SPTSSB: variants seen among roughly 807,000 people sequenced by gnomAD.
SPTSSB encodes androgen down regulated in mouse prostate.
SPTSSB carries 6 observed loss-of-function variants against 7.7 expected under a neutral mutation model. That is an observed-to-expected ratio of 0.78 (90% CI 0.43 to 1.54). The LOEUF is 1.54. Among genes scored for constraint, SPTSSB ranks in the 40% most tolerant of loss-of-function variants. The pLI is 0.01. For missense variants in SPTSSB, 91 were observed against 93.0 expected (o/e 0.98, Z 0.09); for synonymous variants, 28 against 29.7 (o/e 0.94, Z 0.19).
chr3:161,346,130 G>A lies in SPTSSB; in HGVS notation c.194C>T (p.Ser65Leu). 1 of 1,607,400 alleles carries A rather than the reference G, an allele frequency of 6.2e-7. No homozygotes were observed. Among genetic ancestry groups the A allele is most frequent in the Non-Finnish European group, 8.5e-7 (1 of 1,173,922 alleles). Residue 65 changes from serine to leucine, a missense_variant, in exon 3 of 3, where the codon TCA becomes TTA. By Grantham distance (145) the Ser-to-Leu change is moderately radical. Transcript: ENST00000620149. ...TGTACTGTGATATCCACATATTTTTGAGAAAAATTCCCAAGCCAGGCGAAT... is the reference window on the plus strand; with the variant it reads ...TGTACTGTGATATCCACATATTTTTAAGAAAAATTCCCAAGCCAGGCGAAT... The part of the protein sequence containing the change: ...IHIRLAWEFF[S>L]KICGYHSTIS...
intron 1 of SPTSSB, among the ~76,000 whole-genome samples, chr3:161,361,225 G>T (rs1421790411): frequency 1.3e-5 from 2 of 152,120 alleles, no homozygotes; most frequent in African/African-American, 4.8e-5. Flanking sequence ...GTTTGCAGAG[G>T]TGAATCTTAG....
intron 2 of SPTSSB, among the ~76,000 whole-genome samples, chr3:161,351,487 A>T (rs1179668556): frequency 1.3e-5 from 2 of 152,212 alleles, no homozygotes; most frequent in Non-Finnish European, 2.9e-5. Flanking sequence ...TACATAGATG[A>T]GTAATATCCT....
intron 2 of SPTSSB, among the ~76,000 whole-genome samples, chr3:161,347,314 G>A (rs1714294803): frequency 6.6e-6 from 1 of 152,042 alleles, no homozygotes; most frequent in Non-Finnish European, 1.5e-5. Context: ...CTAGAATATA[G>A]TGGCACAATC....
At chr3:161,355,223 G>T (rs946280548) in intron 2 of SPTSSB, among the ~76,000 whole-genome samples, 1 of 152,158 alleles carries the variant, frequency 6.6e-6, no homozygotes, top group African/African-American at 2.4e-5. Context: ...AAGAAACTTT[G>T]TTGTTATATA....
chr3:161,363,465 G>T (rs336587), intron 1 of SPTSSB, among the ~76,000 whole-genome samples: 14,415 of 151,836 alleles, frequency 0.095, 803 homozygotes, highest in East Asian at 0.24. Context: ...TAATAGACTG[G>T]TTTTTAATCA....
At position 161,346,252 on chromosome 3, in the gene SPTSSB, A is replaced by G. The variant is rs1299013907; in HGVS notation, c.72T>C (p.Ala24=). 1 of 1,614,066 alleles carries G rather than the reference A, an allele frequency of 6.2e-7. No homozygotes were observed. Among genetic ancestry groups the G allele is most frequent in the Non-Finnish European group, 8.5e-7 (1 of 1,179,910 alleles). Residue 24 remains alanine (A), a synonymous_variant, in exon 3 of 3, where the codon GCT becomes GCC. Transcript: ENST00000620149. ...YYQYQIISCC[A]VLEPWERSMF... ...TAGATCGCTCCCAGGGCTCTAAAACAGCACAGCAGCTAATGATTTGGTATT... is the reference window on the plus strand; with the variant it reads ...TAGATCGCTCCCAGGGCTCTAAAACGGCACAGCAGCTAATGATTTGGTATT...
intron 2 of SPTSSB, among the ~76,000 whole-genome samples, chr3:161,351,325 A>C (rs940570558): frequency 8.5e-5 from 13 of 152,154 alleles, no homozygotes; most frequent in African/African-American, 3.1e-4. Flanking sequence ...TTTTCTGTAA[A>C]TCTACAACTG....
chr3:161,363,887 GT>G (rs1560107131), intron 1 of SPTSSB, among the ~76,000 whole-genome samples: 2 of 151,640 alleles, frequency 1.3e-5, no homozygotes, highest in African/African-American at 4.8e-5. Flanking sequence ...GCTTAACATT[GT>G]TTTAGGCACT....
chr3:161,354,732 A>G (rs1429853316), intron 2 of SPTSSB, among the ~76,000 whole-genome samples: 1 of 152,214 alleles, frequency 6.6e-6, no homozygotes, highest in African/African-American at 2.4e-5. Flanking sequence ...CCAACTATCA[A>G]TTGGAGTCAT....
chr3:161,357,611 T>C (rs163138), intron 2 of SPTSSB, among the ~76,000 whole-genome samples: 14,470 of 152,290 alleles, frequency 0.095, 810 homozygotes, highest in East Asian at 0.24. Context: ...GCAGTGAATA[T>C]GACCTTTTTG....
intron 1 of SPTSSB, among the ~76,000 whole-genome samples, chr3:161,364,313 A>G (rs1715130691): frequency 6.6e-6 from 1 of 152,146 alleles, no homozygotes; most frequent in Non-Finnish European, 1.5e-5. Flanking sequence ...ATGGCTCCCA[A>G]TTCAGAGATC....
intron 1 of SPTSSB, among the ~76,000 whole-genome samples, chr3:161,362,750 T>A (rs192893951): frequency 3.7e-4 from 56 of 152,166 alleles, no homozygotes; most frequent in African/African-American, 1.3e-3. Flanking sequence ...CTATTTAACA[T>A]ATATTATTCA....
At chr3:161,352,697 G>A (rs972473923) in intron 2 of SPTSSB, among the ~76,000 whole-genome samples, 3 of 152,166 alleles carry the variant, frequency 2.0e-5, no homozygotes, top group Non-Finnish European at 4.4e-5. Flanking sequence ...CATAAAAGGT[G>A]CTTCTGAATT....
chr3:161,358,242 C>G (rs1020609874), intron 2 of SPTSSB, among the ~76,000 whole-genome samples: 32 of 151,922 alleles, frequency 2.1e-4, no homozygotes, highest in African/African-American at 7.3e-4. Flanking sequence ...TTAAATTATC[C>G]CTGTTTTAAA....
chr3:161,349,218 C>G (rs1452903440), intron 2 of SPTSSB, among the ~76,000 whole-genome samples: 2 of 152,026 alleles, frequency 1.3e-5, no homozygotes, highest in Non-Finnish European at 1.5e-5. Flanking sequence ...GACCATATAA[C>G]AAACATGCAG....
chr3:161,352,018 G>C (rs1714561599), intron 2 of SPTSSB, among the ~76,000 whole-genome samples: 1 of 152,308 alleles, frequency 6.6e-6, no homozygotes, highest in East Asian at 1.9e-4. Context: ...TTGTTGGATG[G>C]TGCTGTGGAC....
At position 161,358,044 on chromosome 3, in the gene SPTSSB, GTTTT is replaced by G. The variant is rs11353900; in HGVS notation, c.-33+1754_-33+1757del. 7.9e-5 allele frequency among the ~76,000 whole-genome samples: 9 copies of G among 114,528 alleles called. No individual in the cohort carries two copies. The South Asian group carries it at 1.2e-3, about 15-fold the overall frequency. The allele number at this position is 114,528 out of a possible 152,430, so 75.1% of individuals were successfully genotyped here. A position where few individuals can be genotyped will look rare whatever the true frequency, so the allele number is the denominator to read the frequency against. ...CTCTTTGCAGGCAATAGAAACTTTTGTTTTTTTTTTTTTTTTTTGGAGATGGAGT... is the reference window on the plus strand; with the variant it reads ...CTCTTTGCAGGCAATAGAAACTTTTGTTTTTTTTTTTTTTGGAGATGGAGT... On this transcript the variant is annotated intron_variant, in intron 2 of 2. Coordinates refer to ENST00000620149, the MANE Select transcript of SPTSSB (RefSeq NM_001040100.2).
At chr3:161,351,671 C>T (rs1714546285) in intron 2 of SPTSSB, among the ~76,000 whole-genome samples, 1 of 152,114 alleles carries the variant, frequency 6.6e-6, no homozygotes, top group African/African-American at 2.4e-5. Context: ...CTTTGCAGAG[C>T]ATGCTGATAT....
intron 1 of SPTSSB, among the ~76,000 whole-genome samples, chr3:161,360,451 GTCTT>G (rs1457196117): frequency 6.6e-5 from 10 of 152,176 alleles, no homozygotes. Context: ...ATGTCATACA[GTCTT>G]TCTCAGTCTT....
Sources: allele counts gnomAD v4.1 joint callset (sites outside exome capture counted in the v4.1 genomes callset), GRCh38; gene constraint gnomAD v4.1.1; transcripts MANE v1.5; gene names NCBI Gene and HGNC (gene_info 2026-07-23, HGNC 2026-07-21).